The following GALNT17 variants were observed in gnomAD, a reference collection of about 807,000 sequenced individuals.
GALNT17 encodes UDP-GalNAc:polypeptide N-acetylgalactosaminyltransferase-like 3.
A neutral mutation model predicts 63.7 loss-of-function variants in GALNT17; 29 were observed. The ratio of observed to expected loss-of-function variants is 0.46; its 90% CI spans 0.34 to 0.62. The LOEUF is 0.62. Among genes scored for constraint, GALNT17 ranks in the 20% least tolerant of loss-of-function variants. The pLI is 0.01. For missense variants in GALNT17, 603 were observed against 799.6 expected (o/e 0.75, Z 2.97); for synonymous variants, 305 against 318.3 (o/e 0.96, Z 0.45).
chr7:71,504,750 A>T lies in GALNT17; in HGVS notation c.963-66535A>T, dbSNP rs534941659. 2.0e-5 allele frequency among the ~76,000 whole-genome samples: 3 copies of T among 152,044 alleles called. No individual in the cohort carries two copies. The South Asian group carries it at 6.2e-4, about 32-fold the overall frequency. On this transcript the variant is annotated intron_variant, in intron 5 of 10. Transcript: ENST00000333538. ...TATTTTTCAGTCTTTCAGTTTACTT[A>T]TTGGGCCTGGCATGGATTCAGGGCA...
At chr7:71,254,505 G>A (rs1378845174) in intron 1 of GALNT17, among the ~76,000 whole-genome samples, 1 of 152,110 alleles carries the variant, frequency 6.6e-6, no homozygotes, top group Non-Finnish European at 1.5e-5. Context: ...CTATCATGTT[G>A]GTATCTTACT....
chr7:71,248,721 A>G (rs1392165864), intron 1 of GALNT17, among the ~76,000 whole-genome samples: 1 of 152,120 alleles, frequency 6.6e-6, no homozygotes, highest in Non-Finnish European at 1.5e-5. Flanking sequence ...CTAGCAACTC[A>G]TTTCCCCCCA....
At chr7:71,378,688 A>G (rs1056268734) in intron 2 of GALNT17, among the ~76,000 whole-genome samples, 3 of 152,126 alleles carry the variant, frequency 2.0e-5, no homozygotes, top group African/African-American at 7.2e-5. Flanking sequence ...CTCTAGGGGA[A>G]CAGAAAGAAA....
At chr7:71,344,205 A>G (rs1440389853) in intron 2 of GALNT17, among the ~76,000 whole-genome samples, 1 of 152,026 alleles carries the variant, frequency 6.6e-6, no homozygotes, top group Admixed American at 6.6e-5. Context: ...TCTAAAGGGG[A>G]GGCAGGGCAT....
intron 1 of GALNT17, among the ~76,000 whole-genome samples, chr7:71,139,358 C>T (rs955348206): frequency 1.1e-4 from 17 of 152,182 alleles, no homozygotes; most frequent in African/African-American, 3.6e-4. Context: ...AGAGCTGTAT[C>T]CCTGTGAGCC....
rs112553873 is a variant in GALNT17, at chr7:71,192,550, T to C, written c.238+59510T>C. Among the ~76,000 whole-genome samples the C allele has an allele frequency of 7.2e-5, 11 of 152,074 alleles. 2 individuals are homozygous for C. The highest frequency in any genetic ancestry group is 2.7e-4 in the African/African-American group (11 of 41,494). The stretch of plus-strand genomic sequence containing the variant: ...AGCCGGGATTACAAGTATGTGCCAC[T>C]ATGCCTGGCTAATTTTTGTATTTTT... On this transcript the variant is annotated intron_variant, in intron 1 of 10. Coordinates refer to ENST00000333538, the MANE Select transcript of GALNT17 (RefSeq NM_022479.3).
intron 5 of GALNT17, among the ~76,000 whole-genome samples, chr7:71,480,403 T>C (rs1787798393): frequency 6.6e-6 from 1 of 152,072 alleles, no homozygotes; most frequent in Admixed American, 6.6e-5. Context: ...TCAGTCCTCT[T>C]GTCCACCAGC....
At chr7:71,335,773 G>A (rs756508933) in intron 2 of GALNT17, 40 bp downstream of exon 2, 62 of 1,535,736 alleles carry the variant, frequency 4.0e-5, no homozygotes, top group East Asian at 3.7e-4. Context: ...TTGATGGGTC[G>A]TCAGAGTGGG....
chr7:71,385,545 C>T (rs576682084), intron 2 of GALNT17, among the ~76,000 whole-genome samples: 1 of 152,290 alleles, frequency 6.6e-6, no homozygotes, highest in East Asian at 1.9e-4. Flanking sequence ...GGCTTGGGGG[C>T]AGAACACTCT....
intron 1 of GALNT17, among the ~76,000 whole-genome samples, chr7:71,265,801 G>A (rs971403554): frequency 6.6e-6 from 1 of 152,192 alleles, no homozygotes; most frequent in Non-Finnish European, 1.5e-5. Flanking sequence ...TCTACTGGGA[G>A]TTCAGTATTA....
At chr7:71,136,236 C>G (rs1039974067) in intron 1 of GALNT17, among the ~76,000 whole-genome samples, 2 of 152,148 alleles carry the variant, frequency 1.3e-5, no homozygotes, top group African/African-American at 4.8e-5. Context: ...CTCTCTTGCT[C>G]TGCAGCCGGT....
intron 1 of GALNT17, among the ~76,000 whole-genome samples, chr7:71,152,654 TAG>T (rs1788156109): frequency 6.6e-6 from 1 of 151,956 alleles, no homozygotes; most frequent in Non-Finnish European, 1.5e-5. Flanking sequence ...TTTTCTGAGA[TAG>T]AGTTTCGCTC....
intron 6 of GALNT17, among the ~76,000 whole-genome samples, chr7:71,574,951 C>A (rs1172060926): frequency 1.3e-5 from 2 of 152,142 alleles, no homozygotes; most frequent in African/African-American, 4.8e-5. Context: ...GCCACACTGG[C>A]CCAAAGTGAG....
chr7:71,400,385 T>C (rs2116384899), intron 3 of GALNT17, among the ~76,000 whole-genome samples: 1 of 152,318 alleles, frequency 6.6e-6, no homozygotes, highest in East Asian at 1.9e-4. Flanking sequence ...TTTTTATATA[T>C]TAAACAAACC....
intron 1 of GALNT17, among the ~76,000 whole-genome samples, chr7:71,334,443 G>A (rs1791862686): frequency 1.3e-5 from 2 of 150,234 alleles, no homozygotes; most frequent in African/African-American, 5.0e-5. Context: ...TCATTTAAAT[G>A]GATAAAGTGG....
chr7:71,523,290 G>T (rs754094924), intron 5 of GALNT17, among the ~76,000 whole-genome samples: 1 of 152,106 alleles, frequency 6.6e-6, no homozygotes, highest in African/African-American at 2.4e-5. Context: ...TTAGTCAGGC[G>T]TGGTGGCGCA....
At chr7:71,521,553 G>C (rs1222611533) in intron 5 of GALNT17, among the ~76,000 whole-genome samples, 2 of 152,234 alleles carry the variant, frequency 1.3e-5, no homozygotes, top group East Asian at 3.9e-4. Context: ...TCTGCCTCCT[G>C]TGGGTAAGGA....
intron 1 of GALNT17, among the ~76,000 whole-genome samples, chr7:71,209,910 ATATT>A (rs146339555): frequency 1.3e-4 from 19 of 151,648 alleles, no homozygotes; most frequent in Non-Finnish European, 2.2e-4. Flanking sequence ...AGATGTTGTG[ATATT>A]TATTTATTTA....
chr7:71,456,106 C>T lies in GALNT17; in HGVS notation c.962+35001C>T, dbSNP rs141093970. ...ACTTAAAATACAAAAATTATCTGGG[C>T]GTGGTGCCACGTGCCTGTAGTCCCA... On this transcript the variant is annotated intron_variant, in intron 5 of 10. Coordinates refer to ENST00000333538, the MANE Select transcript of GALNT17 (RefSeq NM_022479.3). Among the ~76,000 whole-genome samples the T allele has an allele frequency of 1.0e-3, 156 of 152,016 alleles. 1 individual carries two copies. Among genetic ancestry groups the T allele is most frequent in the African/African-American group, 3.4e-3 (139 of 41,480 alleles).
Sources: allele counts gnomAD v4.1 joint callset (sites outside exome capture counted in the v4.1 genomes callset), GRCh38; gene constraint gnomAD v4.1.1; transcripts MANE v1.5; gene names NCBI Gene and HGNC (gene_info 2026-07-23, HGNC 2026-07-21).